The following MYBPC1 variants were observed in gnomAD, a reference collection of about 807,000 sequenced individuals.
The protein encoded by MYBPC1 is myosin-binding protein C, slow-type.
Under a neutral mutation model 147.1 loss-of-function variants are expected in MYBPC1, and 52 were observed. The ratio of observed to expected loss-of-function variants is 0.35; its 90% CI spans 0.28 to 0.45. MYBPC1 has a LOEUF of 0.45. Among genes scored for constraint, MYBPC1 ranks in the 20% least tolerant of loss-of-function variants. The pLI, the probability that MYBPC1 is intolerant of heterozygous loss-of-function variation, is 1.00. For synonymous variants in MYBPC1, 477 were observed against 475.9 expected (o/e 1.00, Z -0.03); for missense variants, 1,228 against 1,440.3 (o/e 0.85, Z 2.39).
chr12:101,671,823 G>A (rs1002888630), intron 24 of MYBPC1, among the ~76,000 whole-genome samples: 13 of 152,202 alleles, frequency 8.5e-5, no homozygotes, highest in Non-Finnish European at 2.9e-5. Context: ...GCATCCCAGA[G>A]ACTGTTCAGC....
At chr12:101,664,401 A>C (rs1407563700) in intron 22 of MYBPC1, 1 of 152,226 alleles carries the variant, frequency 6.6e-6, no homozygotes, top group Non-Finnish European at 1.5e-5. Flanking sequence ...ACAATCTCCC[A>C]GGAAACTTGT....
intron 10 of MYBPC1, among the ~76,000 whole-genome samples, chr12:101,639,003 G>T (rs1891515999): frequency 6.6e-6 from 1 of 151,986 alleles, no homozygotes; most frequent in Non-Finnish European, 1.5e-5. Context: ...CTCCAAGTGT[G>T]TGTGCCAAAA....
At chr12:101,618,502 A>G (rs1369627357) in intron 3 of MYBPC1, among the ~76,000 whole-genome samples, 2 of 152,212 alleles carry the variant, frequency 1.3e-5, no homozygotes, top group Non-Finnish European at 2.9e-5. Flanking sequence ...GCCAATGGGC[A>G]TACACCTCTG....
intron 8 of MYBPC1, among the ~76,000 whole-genome samples, chr12:101,633,124 T>C (rs1343267377): frequency 6.6e-6 from 1 of 152,188 alleles, no homozygotes; most frequent in African/African-American, 2.4e-5. Flanking sequence ...CTACTTATTC[T>C]ACATTTGGAG....
At chr12:101,595,339 C>A (rs769126376) in intron 1 of MYBPC1, among the ~76,000 whole-genome samples, 27 of 152,124 alleles carry the variant, frequency 1.8e-4, no homozygotes, top group East Asian at 5.8e-4. Context: ...AATGATAATT[C>A]TATCATTCAA....
At chr12:101,669,929 AAAAAAAAAAAG>A (rs1898221270) in intron 23 of MYBPC1, 5 of 165,924 alleles carry the variant, frequency 3.0e-5, no homozygotes, top group Admixed American at 1.4e-4. Context: ...AGACTCTCTG[AAAAAAAAAAAG>A]AAAAAAAAAA....
intron 18 of MYBPC1, among the ~76,000 whole-genome samples, chr12:101,653,817 A>G (rs1312511510): frequency 1.3e-5 from 2 of 152,198 alleles, no homozygotes; most frequent in Non-Finnish European, 2.9e-5. Context: ...GAGAAATGCA[A>G]GTGAGGGTGA....
intron 30 of MYBPC1, among the ~76,000 whole-genome samples, chr12:101,683,835 T>C (rs1951182159): frequency 6.6e-6 from 1 of 152,192 alleles, no homozygotes; most frequent in African/African-American, 2.4e-5. Flanking sequence ...AGATTGTATA[T>C]AGAATAGCTT....
At chr12:101,675,060 C>G (rs548715469) in intron 25 of MYBPC1, among the ~76,000 whole-genome samples, 1 of 151,972 alleles carries the variant, frequency 6.6e-6, no homozygotes, top group African/African-American at 2.4e-5. Flanking sequence ...CTGGCTAATC[C>G]GTTTTGAGTT....
intron 25 of MYBPC1, among the ~76,000 whole-genome samples, chr12:101,674,017 C>G (rs1899298940): frequency 6.6e-6 from 1 of 152,186 alleles, no homozygotes; most frequent in Admixed American, 6.5e-5. Context: ...CATGCCACTG[C>G]ACTCTAGCCT....
intron 28 of MYBPC1, 150 bp downstream of exon 28, chr12:101,678,388 A>T: frequency 1.7e-6 from 2 of 1,174,406 alleles, no homozygotes; most frequent in Non-Finnish European, 2.5e-6. Flanking sequence ...ATTATTAGGC[A>T]CACTATTCAG....
intron 10 of MYBPC1, 51 bp from the exon 11 acceptor site, chr12:101,642,360 TTCGTGGTC>T: frequency 6.4e-7 from 1 of 1,571,244 alleles, no homozygotes; most frequent in Non-Finnish European, 8.8e-7. Flanking sequence ...TACCTCGACC[TTCGTGGTC>T]TCTAAGGGTC....
At position 101,642,603 on chromosome 12, in the gene MYBPC1, C is replaced by A; in HGVS notation, c.832+18C>A. 2.5e-6 allele frequency: 4 copies of A among 1,602,820 alleles called. No homozygotes were observed. The highest frequency in any genetic ancestry group is 1.7e-4 in the Middle Eastern group (1 of 6,042). ...GAGCGCAGGTGAGCGCTCCCGGGGG[C>A]GAGGCAGCGGCCGAGGGGCGTGGCA... On this transcript the variant is annotated intron_variant, in intron 11 of 31. Coordinates refer to ENST00000361466, the MANE Select transcript of MYBPC1 (RefSeq NM_002465.4).
chr12:101,629,225 GC>G (rs1439508586), intron 5 of MYBPC1: 1 of 573,408 alleles, frequency 1.7e-6, no homozygotes. Flanking sequence ...ATGTTCATTT[GC>G]CCCATCATGG....
chr12:101,648,110 T>C lies in MYBPC1; in HGVS notation c.1156T>C (p.Leu386=). The part of the protein sequence containing the change: ...TTAYCGERVE[L]ECEVSEDDAN... ...TGCTTATTGTGGGGAGAGAGTGGAATTAGAATGTGAGGTGTCTGAAGATGA... is the reference window on the plus strand; with the variant it reads ...TGCTTATTGTGGGGAGAGAGTGGAACTAGAATGTGAGGTGTCTGAAGATGA... Residue 386 remains leucine (L), a synonymous_variant, in exon 14 of 32, where the codon TTA becomes CTA. Coordinates refer to ENST00000361466, the MANE Select transcript of MYBPC1 (RefSeq NM_002465.4). The C allele has an allele frequency of 1.2e-6, 2 of 1,612,926 alleles. No individual in the cohort carries two copies. The highest frequency in any genetic ancestry group is 1.7e-6 in the Non-Finnish European group (2 of 1,179,146).
chr12:101,600,195 C>A (rs1879309797), intron 1 of MYBPC1, among the ~76,000 whole-genome samples: 1 of 152,172 alleles, frequency 6.6e-6, no homozygotes, highest in Non-Finnish European at 1.5e-5. Context: ...GTTAGACTCA[C>A]TAGCTGGTCT....
In MYBPC1 at chr12:101,629,449, A is replaced by G. The variant is rs761061030; in HGVS notation, c.194A>G (p.Glu65Gly). Reference sequence around the variant, plus strand: ...TGCTCATCAGACTGGACCCTTGTCGAAACTCCTCCTGGGGAGGAACAAGCC... The same window carrying G: ...TGCTCATCAGACTGGACCCTTGTCGGAACTCCTCCTGGGGAGGAACAAGCC... ...ERKDSDWTLVETPPGEEQAKQ... is the reference protein window; with the variant it reads ...ERKDSDWTLVGTPPGEEQAKQ... The change falls in exon 6 of 32, where the codon GAA becomes GGA. Residue 65 changes from glutamate to glycine, a missense_variant. This residue lies in a region of MYBPC1 where 151 missense variants were observed against 126.1 expected (regional missense o/e 1.20). Transcript: ENST00000361466. The G allele has an allele frequency of 6.2e-7, 1 of 1,612,360 alleles. No homozygotes were observed. Among genetic ancestry groups the G allele is most frequent in the Non-Finnish European group, 8.5e-7 (1 of 1,178,456 alleles).
At chr12:101,609,207 C>G (rs570517138) in intron 1 of MYBPC1, among the ~76,000 whole-genome samples, 1 of 152,154 alleles carries the variant, frequency 6.6e-6, no homozygotes, top group South Asian at 2.1e-4. Context: ...TGTGCTGAGC[C>G]TTGTTACTCA....
chr12:101,680,329 A>G lies in MYBPC1; in HGVS notation c.3247-14A>G, dbSNP rs1362965593. ...GATATGTTTTGACCTAAGTTTCTTCAATTTGAACTTCAGCCTAAAATAACC... is the reference window on the plus strand; with the variant it reads ...GATATGTTTTGACCTAAGTTTCTTCGATTTGAACTTCAGCCTAAAATAACC... On this transcript the variant is annotated splice_polypyrimidine_tract_variant and intron_variant, in intron 28 of 31. Transcript: ENST00000361466. 6 of 1,612,628 alleles carry G rather than the reference A, an allele frequency of 3.7e-6. No homozygotes were observed. The highest frequency in any genetic ancestry group is 1.1e-5 in the South Asian group (1 of 90,884).
Sources: gnomAD v4.1 joint callset for allele counts (sites outside exome capture counted in the v4.1 genomes callset) on GRCh38, gnomAD v4.1.1 for gene constraint, gnomAD v4.1.1 regional missense constraint, MANE v1.5 for transcripts, NCBI Gene and HGNC (gene_info 2026-07-23, HGNC 2026-07-21) for gene names.